The following HAL variants were observed in gnomAD, a reference collection of about 807,000 sequenced individuals.
HAL encodes the protein histidine ammonia-lyase, also known as histidase.
In HAL, 85 loss-of-function variants were observed where a neutral mutation model predicts 81.1. The ratio of observed to expected loss-of-function variants is 1.05; its 90% CI spans 0.88 to 1.25. The LOEUF (loss-of-function observed/expected upper bound fraction) is 1.25, where lower values mean the gene tolerates loss of function less well. Among genes scored for constraint, HAL ranks in the 50% most tolerant of loss-of-function variants. The pLI, the probability that HAL is intolerant of heterozygous loss-of-function variation, is 0.00. For missense variants in HAL, 798 were observed against 836.6 expected, an observed-to-expected ratio of 0.95 and a Z score of 0.57; for synonymous variants, 301 against 309.2, an observed-to-expected ratio of 0.97 and a Z score of 0.28.
intron 18 of HAL, among the ~76,000 whole-genome samples, chr12:95,977,583 C>CAGTG (rs1268265397): frequency 7.4e-6 from 1 of 135,452 alleles, no homozygotes; most frequent in Non-Finnish European, 1.5e-5. Flanking sequence ...TTCAAGGCTG[C>CAGTG]AGTGAGCTAT....
intron 11 of HAL, 49 bp from the exon 12 acceptor site, chr12:95,987,263 C>A: frequency 6.7e-7 from 1 of 1,492,382 alleles, no homozygotes; most frequent in Non-Finnish European, 9.4e-7. Flanking sequence ...TGTAACGAAC[C>A]TACATACCCG....
At position 95,976,643 on chromosome 12, in the gene HAL, G is replaced by C; in HGVS notation, c.1718C>G (p.Thr573Ser). The change falls in exon 19 of 21, where the codon ACC becomes AGC. Residue 573 changes from threonine to serine, a missense_variant. Transcript: ENST00000261208. The part of the protein sequence containing the change: ...GIEFLRPLKT[T>S]TPLEKVYDLV... ...GTCATAGACCTTCTCCAGCGGAGTGGTTGTTTTCAGGGGACGTAGAAACTC... is the reference window on the plus strand; with the variant it reads ...GTCATAGACCTTCTCCAGCGGAGTGCTTGTTTTCAGGGGACGTAGAAACTC... 6.2e-7 allele frequency: 1 copy of C among 1,613,170 alleles called. No homozygotes were observed. Among genetic ancestry groups the C allele is most frequent in the Non-Finnish European group, 8.5e-7 (1 of 1,179,070 alleles).
intron 17 of HAL, 137 bp from the exon 18 acceptor site, chr12:95,978,215 G>T (rs2080747500): frequency 2.7e-6 from 2 of 732,950 alleles, no homozygotes; most frequent in Non-Finnish European, 4.8e-6. Flanking sequence ...GCACCTGATG[G>T]TAGAAAGCTG....
chr12:95,994,821 T>A lies in HAL; in HGVS notation c.313A>T (p.Ser105Cys). ...PSQPEGVYLY[S>C]KYREPEKYIE... Reference sequence around the variant, plus strand: ...ACCTTTTCAGGCTCCCGGTACTTGCTGTATCTGTATCCAGGTAAAGGAACA... The same window carrying A: ...ACCTTTTCAGGCTCCCGGTACTTGCAGTATCTGTATCCAGGTAAAGGAACA... The change falls in exon 4 of 21, where the codon AGC (serine) becomes TGC (cysteine). Residue 105 changes from serine to cysteine, a missense_variant. Physicochemically the swap from Ser to Cys is moderately radical, Grantham distance 112 (BLOSUM62 -1). Coordinates refer to ENST00000261208, the MANE Select transcript of HAL (RefSeq NM_002108.4). 6.2e-7 allele frequency: 1 copy of A among 1,614,158 alleles called. No individual in the cohort carries two copies. The highest frequency in any genetic ancestry group is 8.5e-7 in the Non-Finnish European group (1 of 1,179,980).
In HAL at chr12:95,994,170, CAAAAG is replaced by C; in HGVS notation, c.337-11_337-7del. The C allele has an allele frequency of 5.6e-6, 9 of 1,604,074 alleles. No individual in the cohort carries two copies. The highest frequency in any genetic ancestry group is 1.3e-5 in the African/African-American group (1 of 74,862). On this transcript the variant is annotated splice_polypyrimidine_tract_variant and splice_region_variant and intron_variant, in intron 4 of 20. Coordinates refer to ENST00000261208, the MANE Select transcript of HAL (RefSeq NM_002108.4). ...TCTCCATCTAACTCGATGTACTACACAAAAGAAGGGGATCTCAGTGAGTCTGAACA... is the reference window on the plus strand; with the variant it reads ...TCTCCATCTAACTCGATGTACTACACAAGGGGATCTCAGTGAGTCTGAACA...
chr12:95,975,347 CTTTTTTTT>C (rs35532808), intron 20 of HAL, among the ~76,000 whole-genome samples: 5 of 141,990 alleles, frequency 3.5e-5, no homozygotes, highest in African/African-American at 7.8e-5. Context: ...CCTCTTTTTT[CTTTTTTTT>C]TTTTTTTCTT....
chr12:95,988,913 C>A (rs1473399643), intron 10 of HAL, among the ~76,000 whole-genome samples: 1 of 152,106 alleles, frequency 6.6e-6, no homozygotes, highest in Non-Finnish European at 1.5e-5. Context: ...CAGAGCTGGT[C>A]CCATTTACTA....
At position 95,994,001 on chromosome 12, in the gene HAL, A is replaced by G. The variant is rs1181159235; in HGVS notation, c.412-3T>C. The G allele has an allele frequency of 1.9e-6, 3 of 1,611,238 alleles. No homozygotes were observed. The highest frequency in any genetic ancestry group is 2.5e-6 in the Non-Finnish European group (3 of 1,177,492). The stretch of plus-strand genomic sequence containing the variant: ...CTCTTCTCAGCTGTTGGGGTGAGCT[A>G]GGAAAATGTTGATCAGAACTGAGCA... On this transcript the variant is annotated splice_polypyrimidine_tract_variant and splice_region_variant and intron_variant, in intron 5 of 20. Transcript: ENST00000261208.
rs2302628 is a variant in HAL at position 95,993,987 on chromosome 12, T to A, written c.423A>T (p.Thr141=). The change falls in exon 6 of 21, where the codon ACA becomes ACT. Residue 141 remains threonine (T), a synonymous_variant. Transcript: ENST00000261208. ...KGRYKIKLTP[T]AEKRVQKSRE... ...TGGATTTCTGCACCCTCTTCTCAGC[T>A]GTTGGGGTGAGCTAGGAAAATGTTG... 0.076 allele frequency: 122,784 copies of A among 1,610,728 alleles called. 7,144 individuals carry two copies. The highest frequency in any genetic ancestry group is 0.32 in the East Asian group (14,313 of 44,826).
At chr12:95,990,617 C>G in intron 9 of HAL, 85 bp from the exon 10 acceptor site, 1 of 1,046,294 alleles carries the variant, frequency 9.6e-7, no homozygotes, top group Non-Finnish European at 1.5e-6. Context: ...CCACTGCCCC[C>G]GCAAACACCC....
chr12:95,976,036 G>C (rs2080714646), intron 20 of HAL: 1 of 349,670 alleles, frequency 2.9e-6, no homozygotes, highest in Non-Finnish European at 5.6e-6. Context: ...TTCTCTCCAG[G>C]TCTACGCAGC....
chr12:95,980,163 A>C (rs1463084875), intron 17 of HAL, among the ~76,000 whole-genome samples: 2 of 152,210 alleles, frequency 1.3e-5, no homozygotes, highest in Non-Finnish European at 2.9e-5. Flanking sequence ...TAGGTTTAAA[A>C]GTTCAAAGTT....
At chr12:95,993,430 G>A (rs1949995735) in intron 8 of HAL, 21 bp downstream of exon 8, 1 of 1,507,244 alleles carries the variant, frequency 6.6e-7, no homozygotes. Flanking sequence ...GATCCAGGAG[G>A]CACCCAACGT....
intron 4 of HAL, among the ~76,000 whole-genome samples, 166 bp from the exon 5 acceptor site, chr12:95,994,330 T>C (rs1349010186): frequency 6.6e-6 from 1 of 152,244 alleles, no homozygotes; most frequent in South Asian, 2.1e-4. Flanking sequence ...GGCTTATTGG[T>C]GCAAAAGCAT....
At chr12:95,984,776 G>A (rs895792524) in intron 14 of HAL, among the ~76,000 whole-genome samples, 25 of 152,230 alleles carry the variant, frequency 1.6e-4, no homozygotes, top group African/African-American at 6.0e-4. Context: ...AAATATCAGG[G>A]AAGTCTTACA....
chr12:95,992,269 T>C (rs1949979165), intron 9 of HAL, among the ~76,000 whole-genome samples: 1 of 152,218 alleles, frequency 6.6e-6, no homozygotes, highest in Admixed American at 6.5e-5. Context: ...CTGGGGGACA[T>C]TACGATTTCA....
Position 95,973,545 on chromosome 12 carries a change from TAC to T in HAL, c.*685_*686del, listed in dbSNP as rs1297431406. The stretch of plus-strand genomic sequence containing the variant: ...GATACGTGTAGTGATAAGTACAAAA[TAC>T]ACAGTTTAATAAGAGCCACCCAAAT... On this transcript the variant is annotated 3_prime_UTR_variant, in exon 21 of 21. Coordinates refer to ENST00000261208, the MANE Select transcript of HAL (RefSeq NM_002108.4). 2 of 152,610 alleles carry T rather than the reference TAC, an allele frequency of 1.3e-5. No individual in the cohort carries two copies. The highest frequency in any genetic ancestry group is 2.9e-5 in the Non-Finnish European group (2 of 68,356). The allele number at this position is 152,610 out of a possible 1,614,324, so 9.5% of individuals were successfully genotyped here.
chr12:95,978,818 T>C (rs2080757458), intron 17 of HAL, among the ~76,000 whole-genome samples: 1 of 152,218 alleles, frequency 6.6e-6, no homozygotes, highest in Non-Finnish European at 1.5e-5. Flanking sequence ...AAGGTCAGAC[T>C]CAAAGTCTCT....
At position 95,974,368 on chromosome 12, in the gene HAL, C is replaced by T; in HGVS notation, c.1838G>A (p.Trp613Ter). The T allele has an allele frequency of 1.2e-6, 2 of 1,613,462 alleles. No homozygotes were observed. The highest frequency in any genetic ancestry group is 2.2e-5 in the East Asian group (1 of 44,894). The change falls in exon 21 of 21, where the codon TGG (tryptophan) becomes TAG (stop). Residue 613 changes from tryptophan (W) to a stop codon, truncating the protein, a stop_gained. Coordinates refer to ENST00000261208, the MANE Select transcript of HAL (RefSeq NM_002108.4). LOFTEE classifies it high-confidence loss of function. Reference protein sequence around the residue: ...AHRLLLEQKVWEVAAPYIEKY... With the variant: ...AHRLLLEQKV Reference sequence around the variant, plus strand: ...TTCAATGTATGGAGCAGCTACTTCCCAAACCTGAAAAGCAAGGACAAAACA... The same window carrying T: ...TTCAATGTATGGAGCAGCTACTTCCTAAACCTGAAAAGCAAGGACAAAACA...
Sources: gnomAD v4.1 joint callset for allele counts (sites outside exome capture counted in the v4.1 genomes callset) on GRCh38, gnomAD v4.1.1 for gene constraint, MANE v1.5 for transcripts, NCBI Gene and HGNC (gene_info 2026-07-23, HGNC 2026-07-21) for gene names.